Variants in PKM observed in about 807,000 individuals in gnomAD.
PKM encodes pyruvate kinase M1/2.
In PKM, 18 loss-of-function variants were observed where a neutral mutation model predicts 49.8. That is an observed-to-expected ratio of 0.36 (90% CI 0.25 to 0.54). The LOEUF is 0.54. PKM is among the 20% of genes least tolerant of loss of function. PKM has a pLI of 0.89. For missense variants in PKM, 508 were observed against 713.8 expected, an observed-to-expected ratio of 0.71 and a Z score of 3.28; for synonymous variants, 239 against 261.8, an observed-to-expected ratio of 0.91 and a Z score of 0.84.
rs756192452 is a variant in PKM, at chr15:72,199,583, G to C, written c.*67C>G. 1 of 1,110,768 alleles carries C rather than the reference G, an allele frequency of 9.0e-7. No homozygotes were observed. Among genetic ancestry groups the C allele is most frequent in the Admixed American group, 1.7e-5 (1 of 57,192 alleles). The allele number at this position is 1,110,768 out of a possible 1,614,324, so 68.8% of individuals were successfully genotyped here. Reference sequence around the variant, plus strand: ...GCCCAGAGTGAGTTCTACAAGCGTTGCTGGCCTAATGGATGGGCTGGGGGA... The same window carrying C: ...GCCCAGAGTGAGTTCTACAAGCGTTCCTGGCCTAATGGATGGGCTGGGGGA... On this transcript the variant is annotated 3_prime_UTR_variant, in exon 11 of 11. Coordinates refer to ENST00000335181, the MANE Select transcript of PKM (RefSeq NM_002654.6).
chr15:72,204,033 A>G (rs1013243227), intron 8 of PKM: 1 of 152,230 alleles, frequency 6.6e-6, no homozygotes, highest in Non-Finnish European at 1.5e-5. Context: ...AGAATCGGTA[A>G]TACCCCCTCA....
intron 1 of PKM, among the ~76,000 whole-genome samples, chr15:72,227,169 T>C (rs2082694151): frequency 6.6e-6 from 1 of 152,264 alleles, no homozygotes; most frequent in Admixed American, 6.5e-5. Context: ...TCTGGTTGTT[T>C]AGCTCTATTC....
intron 2 of PKM, 56 bp downstream of exon 2, chr15:72,218,888 G>GA (rs2082443697): frequency 6.4e-7 from 1 of 1,569,668 alleles, no homozygotes; most frequent in African/African-American, 1.4e-5. Flanking sequence ...CTTTTCAGGA[G>GA]AGAAAGGTCA....
chr15:72,206,270 G>A, intron 8 of PKM: 1 of 192,916 alleles, frequency 5.2e-6, no homozygotes, highest in Admixed American at 5.3e-5. Flanking sequence ...GCAGGATGCG[G>A]GGCAGAGGGA....
rs2082106192 is a variant in PKM, at chr15:72,207,158, C to T, written c.956G>A (p.Arg319Gln). Residue 319 changes from arginine (R) to glutamine (Q), a missense_variant, in exon 7 of 11, where the codon CGA becomes CAA. Transcript: ENST00000335181. ...AQKMMIGRCN[R>Q]AGKPVICATQ... ...AGCACAGATGACAGGCTTCCCAGCT[C>T]GGTTGCACCGTCCAATCATCATCTT... is the stretch of plus-strand genomic sequence containing the variant. 13 of 1,613,888 alleles carry T rather than the reference C, an allele frequency of 8.1e-6. No homozygotes were observed. The highest frequency in any genetic ancestry group is 3.3e-5 in the Admixed American group (2 of 60,006).
chr15:72,213,024 G>A (rs887546075), intron 3 of PKM, among the ~76,000 whole-genome samples: 2 of 151,988 alleles, frequency 1.3e-5, no homozygotes, highest in African/African-American at 4.8e-5. Flanking sequence ...GCAGTGAGCC[G>A]AGATCGTGCC....
At chr15:72,226,850 G>A (rs895239373) in intron 1 of PKM, among the ~76,000 whole-genome samples, 1 of 152,210 alleles carries the variant, frequency 6.6e-6, no homozygotes, top group African/African-American at 2.4e-5. Context: ...GCCACCGAAG[G>A]TACTGCAGCC....
intron 1 of PKM, chr15:72,228,518 G>A (rs1167673764): frequency 1.4e-5 from 8 of 578,102 alleles, no homozygotes; most frequent in Non-Finnish European, 2.9e-6. Flanking sequence ...CTGACTCACT[G>A]AAAGGGGAGA....
Position 72,199,586 on chromosome 15 carries a change from G to T in PKM, c.*64C>A. On this transcript the variant is annotated 3_prime_UTR_variant, in exon 11 of 11. Transcript: ENST00000335181. ...CAGAGTGAGTTCTACAAGCGTTGCT[G>T]GCCTAATGGATGGGCTGGGGGAAGG... 2 of 1,142,692 alleles carry T rather than the reference G, an allele frequency of 1.8e-6. No homozygotes were observed. Among genetic ancestry groups the T allele is most frequent in the Non-Finnish European group, 2.6e-6 (2 of 755,826 alleles). 70.8% of individuals were successfully genotyped at this position (1,142,692 alleles called of 1,614,324 possible). A position where few individuals can be genotyped will look rare whatever the true frequency, so the allele number is the denominator to read the frequency against.
In PKM at chr15:72,200,935, A is replaced by C; in HGVS notation, c.1308-280T>G. 2.5e-6 allele frequency: 1 copy of C among 399,994 alleles called. No individual in the cohort carries two copies. The allele number at this position is 399,994 out of a possible 1,614,324, so 24.8% of individuals were successfully genotyped here. On this transcript the variant is annotated intron_variant, in intron 9 of 10. Transcript: ENST00000335181. The surrounding 1 kb of genome is among the most constrained non-coding windows in gnomAD (Gnocchi z 4.6). Reference sequence around the variant, plus strand: ...TCAGCCTCACCCACTTACCCCACACAGCCCATGGTTGGCAGAACCCCTCCT... The same window carrying C: ...TCAGCCTCACCCACTTACCCCACACCGCCCATGGTTGGCAGAACCCCTCCT...
Position 72,203,798 on chromosome 15 carries a change from A to G in PKM, c.1141-1178T>C, listed in dbSNP as rs8192420. 4.2e-3 allele frequency: 652 copies of G among 155,730 alleles called. 26 individuals are homozygous for G. Among genetic ancestry groups the G allele is most frequent in the Admixed American group, 0.036 (580 of 16,010 alleles). The allele number at this position is 155,730 out of a possible 1,614,324, so 9.6% of individuals were successfully genotyped here. On this transcript the variant is annotated intron_variant, in intron 8 of 10. Transcript: ENST00000335181. ...AACAGAAAACGTGGGCTAACTTGTGAGAGGCACACTGAACAGCCATGTGAA... is the reference window on the plus strand; with the variant it reads ...AACAGAAAACGTGGGCTAACTTGTGGGAGGCACACTGAACAGCCATGTGAA...
At chr15:72,213,828 T>C (rs571327120) in intron 3 of PKM, among the ~76,000 whole-genome samples, 4 of 152,370 alleles carry the variant, frequency 2.6e-5, no homozygotes, top group African/African-American at 9.6e-5. Flanking sequence ...CATCTCTCTA[T>C]ATAGGAATTA....
intron 1 of PKM, among the ~76,000 whole-genome samples, chr15:72,227,870 C>T (rs2082725278): frequency 6.7e-6 from 1 of 150,242 alleles, no homozygotes; most frequent in East Asian, 2.0e-4. Flanking sequence ...CGGCCGTTTC[C>T]TCATTTCTTC....
Position 72,199,138 on chromosome 15 carries a change from A to G in PKM, c.*512T>C. On this transcript the variant is annotated 3_prime_UTR_variant, in exon 11 of 11. Transcript: ENST00000335181. ...AGGTGGAGGGTGGAGTGTTTGCTGC[A>G]GGACAGCTGAGTGGAGGGTGGGGAC... is the stretch of plus-strand genomic sequence containing the variant. 6.3e-6 allele frequency: 2 copies of G among 318,836 alleles called. No individual in the cohort carries two copies. The highest frequency in any genetic ancestry group is 1.2e-5 in the Non-Finnish European group (2 of 162,712). 19.8% of individuals were successfully genotyped at this position (318,836 alleles called of 1,614,324 possible).
intron 2 of PKM, among the ~76,000 whole-genome samples, chr15:72,218,273 C>T (rs1048769323): frequency 4.0e-5 from 6 of 151,762 alleles, no homozygotes; most frequent in Non-Finnish European, 8.8e-5. Context: ...TATAGGTACC[C>T]GCCACCACCC....
rs113982361 is a variant in PKM, at chr15:72,217,433, C to G, written c.222G>C (p.Leu74=). ...CCTCATGAGTTCCATGAGAGAAGTT[C>G]AGACGAGCCACATTCATTCCAGACT... The part of the protein sequence containing the change: ...MIKSGMNVAR[L]NFSHGTHEYH... The change falls in exon 3 of 11, where the codon CTG becomes CTC. Residue 74 remains leucine (L), a synonymous_variant. Transcript: ENST00000335181. 1.9e-6 allele frequency: 3 copies of G among 1,611,520 alleles called. No individual in the cohort carries two copies. The highest frequency in any genetic ancestry group is 2.5e-6 in the Non-Finnish European group (3 of 1,177,816).
intron 1 of PKM, among the ~76,000 whole-genome samples, chr15:72,221,631 A>T (rs1402686565): frequency 6.6e-6 from 1 of 152,150 alleles, no homozygotes; most frequent in African/African-American, 2.4e-5. Flanking sequence ...TTATAGTAAG[A>T]AATTATGTGT....
chr15:72,209,902 A>C (rs1447617905), intron 4 of PKM, 43 bp from the exon 5 acceptor site: 1 of 1,496,252 alleles, frequency 6.7e-7, no homozygotes, highest in East Asian at 2.3e-5. Flanking sequence ...TGGAGACACC[A>C]GTAGCAGCAT....
At chr15:72,229,823 GC>G in intron 1 of PKM, 1 of 462,464 alleles carries the variant, frequency 2.2e-6, no homozygotes, top group Non-Finnish European at 3.0e-6. Context: ...CAGATTTCCT[GC>G]CCCCTCCGTA....
Sources: gnomAD v4.1 joint callset for allele counts (sites outside exome capture counted in the v4.1 genomes callset) on GRCh38, gnomAD v4.1.1 for gene constraint, Gnocchi (gnomAD v3.1) non-coding constraint, MANE v1.5 for transcripts, NCBI Gene and HGNC (gene_info 2026-07-23, HGNC 2026-07-21) for gene names.